Variants in RIN2 observed in about 807,000 individuals in gnomAD.
The protein encoded by RIN2 is RAB5 interacting protein 2.
A neutral mutation model predicts 78.0 loss-of-function variants in RIN2; 36 were observed. The observed-to-expected ratio is 0.46, with a 90% CI of 0.35 to 0.61. The LOEUF (loss-of-function observed/expected upper bound fraction) is 0.61. Ranked by LOEUF, RIN2 falls within the 20% of genes least tolerant of loss-of-function variation. RIN2 has a pLI of 0.00. For missense variants in RIN2, 1,087 were observed against 1,159.7 expected (o/e 0.94, Z 0.91); for synonymous variants, 466 against 466.8 (o/e 1.00, Z 0.02).
At chr20:19,982,380 GT>G (rs1404280484) in intron 9 of RIN2, among the ~76,000 whole-genome samples, 1 of 152,226 alleles carries the variant, frequency 6.6e-6, no homozygotes, top group South Asian at 2.1e-4. Context: ...GTGGCCTGCT[GT>G]TTTTTTGCGT....
intron 11 of RIN2, among the ~76,000 whole-genome samples, chr20:19,994,648 T>C (rs1418604646): frequency 1.2e-4 from 18 of 152,046 alleles, no homozygotes; most frequent in Admixed American, 1.2e-3. Context: ...CCCACAAAGA[T>C]TGTAACAGTT....
intron 2 of RIN2, among the ~76,000 whole-genome samples, chr20:19,814,364 CT>C (rs1025108050): frequency 6.6e-6 from 1 of 152,092 alleles, no homozygotes; most frequent in African/African-American, 2.4e-5. Context: ...CACACTTGCC[CT>C]TTCCCCTCCT....
intron 2 of RIN2, among the ~76,000 whole-genome samples, chr20:19,879,888 A>G (rs2037967626): frequency 6.6e-6 from 1 of 152,214 alleles, no homozygotes; most frequent in Non-Finnish European, 1.5e-5. Flanking sequence ...AAATCCAACC[A>G]CAGAGAGAAC....
intron 2 of RIN2, among the ~76,000 whole-genome samples, chr20:19,800,070 T>C (rs1395658621): frequency 6.6e-6 from 1 of 152,120 alleles, no homozygotes; most frequent in African/African-American, 2.4e-5. Context: ...TTCATTCAAT[T>C]ATCACAACAC....
chr20:19,845,840 C>G (rs187404638), intron 2 of RIN2, among the ~76,000 whole-genome samples: 14 of 152,140 alleles, frequency 9.2e-5, no homozygotes, highest in Middle Eastern at 3.4e-3. Flanking sequence ...AGGTTTTATT[C>G]TAATGTTTTC....
Position 19,970,885 on chromosome 20 carries a change from C to A in RIN2, c.584C>A (p.Ala195Asp). Residue 195 changes from alanine (A) to aspartate (D), a missense_variant, in exon 8 of 13, where the codon GCC becomes GAC. Transcript: ENST00000255006. ...TLKLPYAIST[A>D]KSEAQLEELA... ...AAGTTGCCTTATGCCATTTCAACAG[C>A]CAAGTCGGAGGCTCAGCTTGAAGAA... The A allele has an allele frequency of 1.2e-6, 2 of 1,613,718 alleles. No homozygotes were observed. The highest frequency in any genetic ancestry group is 1.7e-6 in the Non-Finnish European group (2 of 1,179,782).
chr20:19,768,445 C>G (rs763387535), intron 1 of RIN2, among the ~76,000 whole-genome samples: 9 of 152,194 alleles, frequency 5.9e-5, no homozygotes, highest in Non-Finnish European at 7.3e-5. Flanking sequence ...AGGGTTGCCC[C>G]AAGTGCTTCC....
At chr20:19,997,119 G>A (rs564915881) in intron 12 of RIN2, among the ~76,000 whole-genome samples, 3 of 152,266 alleles carry the variant, frequency 2.0e-5, no homozygotes, top group African/African-American at 7.2e-5. Flanking sequence ...AAAAGGAGGA[G>A]GAAGCACTTG....
intron 3 of RIN2, among the ~76,000 whole-genome samples, chr20:19,912,840 A>G (rs2039533356): frequency 1.3e-5 from 2 of 152,142 alleles, no homozygotes; most frequent in Admixed American, 1.3e-4. Flanking sequence ...TCCATCCTGA[A>G]TGTTTGATGT....
At chr20:19,771,217 G>A (rs2034108227) in intron 1 of RIN2, among the ~76,000 whole-genome samples, 1 of 152,104 alleles carries the variant, frequency 6.6e-6, no homozygotes, top group Non-Finnish European at 1.5e-5. Context: ...GTCCCTGGAG[G>A]TGAGACAGTG....
intron 3 of RIN2, among the ~76,000 whole-genome samples, chr20:19,905,685 C>A (rs2039187874): frequency 6.6e-6 from 1 of 152,144 alleles, no homozygotes; most frequent in African/African-American, 2.4e-5. Context: ...GAGTTCAAGG[C>A]TGCAGCCACT....
chr20:19,912,475 C>CTTTTTTTTTTTTTTTTT (rs545323465), intron 3 of RIN2, among the ~76,000 whole-genome samples: 2 of 110,932 alleles, frequency 1.8e-5, no homozygotes, highest in African/African-American at 3.5e-5. Flanking sequence ...TTTTCTTTTT[C>CTTTTTTTTTTTTTTTTT]TTTTTTTTTT....
At chr20:19,883,663 C>T (rs2038094152) in intron 2 of RIN2, among the ~76,000 whole-genome samples, 1 of 152,062 alleles carries the variant, frequency 6.6e-6, no homozygotes, top group Non-Finnish European at 1.5e-5. Context: ...GACTTTCTAA[C>T]CAGCAGAGGA....
At chr20:19,793,239 A>C (rs537186752) in intron 1 of RIN2, among the ~76,000 whole-genome samples, 147 of 152,308 alleles carry the variant, frequency 9.7e-4, no homozygotes, top group African/African-American at 3.4e-3. Flanking sequence ...TCAATATGAA[A>C]ATTTATTACT....
intron 4 of RIN2, among the ~76,000 whole-genome samples, chr20:19,938,430 G>C (rs1324860018): frequency 6.6e-6 from 1 of 151,528 alleles, no homozygotes; most frequent in Non-Finnish European, 1.5e-5. Flanking sequence ...TCTCTGTGTT[G>C]CCCAGGTGTG....
chr20:19,876,739 T>C (rs1421846261), intron 2 of RIN2, among the ~76,000 whole-genome samples: 3 of 152,036 alleles, frequency 2.0e-5, no homozygotes. Context: ...ATCCTGTCTC[T>C]ACTAAAAATA....
At chr20:19,859,003 T>C (rs961863347) in intron 2 of RIN2, among the ~76,000 whole-genome samples, 3 of 152,174 alleles carry the variant, frequency 2.0e-5, no homozygotes, top group Non-Finnish European at 2.9e-5. Flanking sequence ...GCAACTGAGT[T>C]GAGATCCCTG....
chr20:19,920,452 G>A (rs2039869765), intron 3 of RIN2, among the ~76,000 whole-genome samples: 1 of 152,154 alleles, frequency 6.6e-6, no homozygotes, highest in Admixed American at 6.5e-5. Flanking sequence ...AGTAATCTAA[G>A]GCAACACTGG....
intron 2 of RIN2, among the ~76,000 whole-genome samples, chr20:19,800,618 C>T (rs939215270): frequency 1.3e-5 from 2 of 152,206 alleles, no homozygotes; most frequent in Admixed American, 1.3e-4. Flanking sequence ...CAGTTGACAG[C>T]CCCACTGACA....
Sources: gnomAD v4.1 joint callset for allele counts (sites outside exome capture counted in the v4.1 genomes callset) on GRCh38, gnomAD v4.1.1 for gene constraint, MANE v1.5 for transcripts, NCBI Gene and HGNC (gene_info 2026-07-23, HGNC 2026-07-21) for gene names.